DLGAP2: variants seen among roughly 807,000 people sequenced by gnomAD.
DLGAP2 encodes DLG associated protein 2.
A neutral mutation model predicts 100.3 loss-of-function variants in DLGAP2; 26 were observed. The observed-to-expected ratio is 0.26, with a 90% CI of 0.19 to 0.36. DLGAP2 has a LOEUF of 0.36. Ranked by LOEUF, DLGAP2 falls within the 10% of genes least tolerant of loss-of-function variation. The probability of loss-of-function intolerance (pLI) is 1.00; values close to 1 mark genes in which losing one functional copy is unlikely to be tolerated. For synonymous variants in DLGAP2, 886 were observed against 630.1 expected, an observed-to-expected ratio of 1.41 and a Z score of -6.08; for missense variants, 1,858 against 1,453.2, an observed-to-expected ratio of 1.28 and a Z score of -4.53.
intron 3 of DLGAP2, among the ~76,000 whole-genome samples, chr8:1,455,043 G>T (rs1314635209): frequency 1.3e-5 from 2 of 152,172 alleles, no homozygotes; most frequent in African/African-American, 4.8e-5. Flanking sequence ...GGGAGGGGGG[G>T]ATACCGGATG....
intron 8 of DLGAP2, among the ~76,000 whole-genome samples, chr8:1,635,761 T>G (rs1326167219): frequency 1.3e-5 from 2 of 152,230 alleles, no homozygotes; most frequent in Non-Finnish European, 2.9e-5. Context: ...ATAATAAATA[T>G]TGAATATATG....
chr8:1,013,650 AC>A (rs1801367197), intron 2 of DLGAP2, among the ~76,000 whole-genome samples: 1 of 135,134 alleles, frequency 7.4e-6, no homozygotes, highest in African/African-American at 3.3e-5. Context: ...TGTGTGTGTG[AC>A]CAGGACAGAC....
intron 2 of DLGAP2, among the ~76,000 whole-genome samples, chr8:1,077,471 C>A (rs1044240246): frequency 6.6e-6 from 1 of 152,182 alleles, no homozygotes; most frequent in Admixed American, 6.5e-5. Context: ...CCTATTCTTG[C>A]TGCCACTGAG....
At chr8:1,352,687 C>T (rs749551663) in intron 3 of DLGAP2, among the ~76,000 whole-genome samples, 3 of 152,164 alleles carry the variant, frequency 2.0e-5, no homozygotes, top group Non-Finnish European at 2.9e-5. Flanking sequence ...TGTCCACGTT[C>T]CTTCTTTACA....
intron 1 of DLGAP2, among the ~76,000 whole-genome samples, chr8:859,260 C>T (rs1421304679): frequency 3.3e-5 from 5 of 152,118 alleles, no homozygotes; most frequent in East Asian, 1.9e-4. Context: ...CACAGGCGCA[C>T]GCCACGAAGC....
chr8:781,191 A>G (rs1821677021), intron 1 of DLGAP2, among the ~76,000 whole-genome samples: 1 of 152,196 alleles, frequency 6.6e-6, no homozygotes, highest in African/African-American at 2.4e-5. Context: ...ATTGTTAGTA[A>G]GGACTATATT....
chr8:1,331,574 G>A (rs1053264469), intron 3 of DLGAP2, among the ~76,000 whole-genome samples: 8 of 152,120 alleles, frequency 5.3e-5, no homozygotes, highest in South Asian at 2.1e-4. Flanking sequence ...CATCCACCTC[G>A]GTGTTTAATA....
At chr8:940,201 G>A (rs530312048) in intron 2 of DLGAP2, among the ~76,000 whole-genome samples, 2 of 152,108 alleles carry the variant, frequency 1.3e-5, no homozygotes, top group African/African-American at 2.4e-5. Flanking sequence ...ATTTACTTAA[G>A]TTCTCTGAGT....
chr8:1,695,053 G>C (rs1020336814), intron 13 of DLGAP2, among the ~76,000 whole-genome samples: 17 of 152,154 alleles, frequency 1.1e-4, no homozygotes, highest in African/African-American at 3.6e-4. Context: ...AGGGGGGCAC[G>C]GGAAGGCGAT....
chr8:1,590,103 T>C (rs1230425216), intron 6 of DLGAP2, among the ~76,000 whole-genome samples: 1 of 152,194 alleles, frequency 6.6e-6, no homozygotes, highest in African/African-American at 2.4e-5. Flanking sequence ...CCTCGGCCTC[T>C]GCCTCCCAGG....
chr8:1,649,051 A>G (rs981727255), intron 8 of DLGAP2, among the ~76,000 whole-genome samples: 1 of 152,174 alleles, frequency 6.6e-6, no homozygotes, highest in East Asian at 1.9e-4. Context: ...GGCCCAAAAA[A>G]TCATTGCCTG....
chr8:985,337 C>G (rs73176518), intron 2 of DLGAP2, among the ~76,000 whole-genome samples: 336 of 152,316 alleles, frequency 2.2e-3, no homozygotes, highest in Non-Finnish European at 3.8e-3. Flanking sequence ...GCTTCAGAGT[C>G]AGATCTAATG....
At chr8:1,216,559 C>A (rs747803494) in intron 2 of DLGAP2, among the ~76,000 whole-genome samples, 1 of 151,990 alleles carries the variant, frequency 6.6e-6, no homozygotes, top group East Asian at 1.9e-4. Flanking sequence ...GGACTTGAAC[C>A]TCCTGAGCTC....
intron 2 of DLGAP2, among the ~76,000 whole-genome samples, chr8:1,080,914 T>G (rs1803785530): frequency 6.6e-6 from 1 of 152,206 alleles, no homozygotes; most frequent in South Asian, 2.1e-4. Flanking sequence ...ATTCTACATA[T>G]CTAGCACTAA....
intron 2 of DLGAP2, among the ~76,000 whole-genome samples, chr8:1,096,531 G>A (rs182600723): frequency 7.4e-4 from 113 of 152,080 alleles, no homozygotes; most frequent in African/African-American, 2.7e-3. Flanking sequence ...GACCCCTCCA[G>A]CGTGAGGCCC....
intron 1 of DLGAP2, chr8:822,073 C>G: frequency 2.5e-6 from 1 of 399,096 alleles, no homozygotes; most frequent in Non-Finnish European, 4.4e-6. Flanking sequence ...TTCCCCATCT[C>G]TATCCATTCC....
In DLGAP2 at chr8:901,120, A is replaced by T. The variant is rs188611271; in HGVS notation, c.19-6792A>T. Among the ~76,000 whole-genome samples, 14 of 152,272 alleles carry T rather than the reference A, an allele frequency of 9.2e-5. 1 individual carries two copies. Among genetic ancestry groups the T allele is most frequent in the African/African-American group, 3.4e-4 (14 of 41,556 alleles). The stretch of plus-strand genomic sequence containing the variant: ...AGCCGGTAAAGACCCCATATCTTTA[A>T]AAAAAATTGTTTTTTAATTAGCTGG... On this transcript the variant is annotated intron_variant, in intron 1 of 14. Transcript: ENST00000637795.
At chr8:837,124 A>G (rs950276785) in intron 1 of DLGAP2, among the ~76,000 whole-genome samples, 1 of 152,178 alleles carries the variant, frequency 6.6e-6, no homozygotes, top group Non-Finnish European at 1.5e-5. Flanking sequence ...CCATGTTCCC[A>G]TCTGTGACAC....
Position 1,678,401 on chromosome 8 carries a change from C to A in DLGAP2, c.2476C>A (p.Leu826Ile), listed in dbSNP as rs888206072. The A allele has an allele frequency of 1.2e-6, 2 of 1,613,894 alleles. No individual in the cohort carries two copies. Among genetic ancestry groups the A allele is most frequent in the South Asian group, 1.1e-5 (1 of 91,068 alleles). Residue 826 changes from leucine to isoleucine, a missense_variant, in exon 12 of 15, where the codon CTC becomes ATC. Transcript: ENST00000637795. ...GGTGAGAACTGTACGGACCCAGGGGCTCTTCAGCTATAGAGAAGACTATCG... is the reference window on the plus strand; with the variant it reads ...GGTGAGAACTGTACGGACCCAGGGGATCTTCAGCTATAGAGAAGACTATCG... ...SAVRTVRTQGLFSYREDYRTQ... is the reference protein window; with the variant it reads ...SAVRTVRTQGIFSYREDYRTQ...
Sources: allele counts gnomAD v4.1 joint callset (sites outside exome capture counted in the v4.1 genomes callset), GRCh38; gene constraint gnomAD v4.1.1; transcripts MANE v1.5; gene names NCBI Gene and HGNC (gene_info 2026-07-23, HGNC 2026-07-21).